Variants in TAFA2 observed in about 807,000 individuals in gnomAD.
TAFA2 encodes chemokine-like protein TAFA-2.
Under a neutral mutation model 18.8 loss-of-function variants are expected in TAFA2, and 7 were observed. That is an observed-to-expected ratio of 0.37 (90% CI 0.21 to 0.70). The LOEUF (loss-of-function observed/expected upper bound fraction) is 0.70. TAFA2 is among the 30% of genes least tolerant of loss of function. The probability of loss-of-function intolerance (pLI) is 0.53; values close to 1 mark genes in which losing one functional copy is unlikely to be tolerated. For missense variants in TAFA2, 122 were observed against 158.1 expected, an observed-to-expected ratio of 0.77 and a Z score of 1.23; for synonymous variants, 60 against 54.2, an observed-to-expected ratio of 1.11 and a Z score of -0.47.
chr12:61,731,625 CT>C, intron 4 of TAFA2, among the ~76,000 whole-genome samples: 1 of 152,088 alleles, frequency 6.6e-6, no homozygotes, highest in African/African-American at 2.4e-5. Flanking sequence ...ACTTAATAAA[CT>C]TCCATGTTCT....
intron 1 of TAFA2, among the ~76,000 whole-genome samples, chr12:61,913,463 T>C (rs1876695167): frequency 6.6e-6 from 1 of 152,170 alleles, no homozygotes; most frequent in African/African-American, 2.4e-5. Context: ...GGAATTGATA[T>C]TGGAGAAGAA....
chr12:62,104,699 G>T (rs1004374329), intron 1 of TAFA2: 1 of 455,694 alleles, frequency 2.2e-6, no homozygotes, highest in Admixed American at 2.4e-5. Flanking sequence ...CAACTAAGAG[G>T]ACTTGATGGT....
At chr12:62,181,946 G>A (rs1265174299) in intron 1 of TAFA2, among the ~76,000 whole-genome samples, 2 of 151,102 alleles carry the variant, frequency 1.3e-5, no homozygotes, top group Non-Finnish European at 2.9e-5. Context: ...AAAATTGTAA[G>A]CCCAATAAAT....
intron 1 of TAFA2, among the ~76,000 whole-genome samples, chr12:62,096,372 C>G (rs904959650): frequency 8.6e-5 from 13 of 152,040 alleles, no homozygotes; most frequent in African/African-American, 3.1e-4. Context: ...ATACCTGAGT[C>G]AAAAGGAAAC....
At chr12:61,877,963 A>G in intron 1 of TAFA2, 1 of 433,198 alleles carries the variant, frequency 2.3e-6, no homozygotes, top group South Asian at 1.7e-5. Context: ...ATATATACAC[A>G]CACAGTGGAA....
At position 62,077,033 on chromosome 12, in the gene TAFA2, T is replaced by A. The variant is rs369208704; in HGVS notation, c.-2+114226A>T. ...GTGATTAACTTTCTGATATGTTCAA[T>A]ATAAATGAAAATATTGCAAATTCTT... On this transcript the variant is annotated intron_variant, in intron 1 of 4. Coordinates refer to ENST00000416284, the MANE Select transcript of TAFA2 (RefSeq NM_178539.5). Among the ~76,000 whole-genome samples the A allele has an allele frequency of 4.1e-4, 62 of 152,348 alleles. 1 individual carries two copies. The South Asian group carries it at 6.8e-3, about 17-fold the overall frequency.
At chr12:61,900,447 G>C (rs1435287997) in intron 1 of TAFA2, among the ~76,000 whole-genome samples, 1 of 152,164 alleles carries the variant, frequency 6.6e-6, no homozygotes, top group African/African-American at 2.4e-5. Flanking sequence ...GCATACCCAA[G>C]ACTGGGTAAT....
upstream of TAFA2, among the ~76,000 whole-genome samples, chr12:62,195,449 T>A (rs2062645020): frequency 6.6e-6 from 1 of 152,206 alleles, no homozygotes; most frequent in Admixed American, 6.5e-5. Flanking sequence ...GGAATCATTA[T>A]CTATGACAGA....
intron 1 of TAFA2, among the ~76,000 whole-genome samples, chr12:62,081,958 C>T (rs1479170645): frequency 1.3e-5 from 2 of 151,904 alleles, no homozygotes; most frequent in Admixed American, 1.3e-4. Context: ...TCCCCACCCC[C>T]GACAGGCCCC....
At chr12:61,737,773 T>A (rs1472745527) in intron 4 of TAFA2, among the ~76,000 whole-genome samples, 1 of 151,822 alleles carries the variant, frequency 6.6e-6, no homozygotes, top group Non-Finnish European at 1.5e-5. Flanking sequence ...AAATTATCAT[T>A]ATTCTATTCC....
At chr12:61,821,168 T>C (rs1872309791) in intron 2 of TAFA2, among the ~76,000 whole-genome samples, 4 of 134,568 alleles carry the variant, frequency 3.0e-5, no homozygotes, top group South Asian at 2.3e-4. Context: ...CACACACAAT[T>C]ATTTGGAGGG....
intron 1 of TAFA2, among the ~76,000 whole-genome samples, chr12:61,986,648 C>G (rs893233886): frequency 8.9e-6 from 1 of 112,460 alleles, no homozygotes; most frequent in Non-Finnish European, 2.2e-5. Flanking sequence ...GGCCATGAGA[C>G]TTAGTTAAAA....
chr12:61,894,267 C>A (rs1875749847), intron 1 of TAFA2, among the ~76,000 whole-genome samples: 1 of 152,134 alleles, frequency 6.6e-6, no homozygotes. Flanking sequence ...TTCACTGTGC[C>A]ATAACGTACA....
intron 1 of TAFA2, among the ~76,000 whole-genome samples, chr12:62,129,834 C>T (rs796929638): frequency 7.9e-5 from 12 of 151,998 alleles, no homozygotes; most frequent in African/African-American, 2.9e-4. Context: ...ACCAAATGTC[C>T]GCTATACGGC....
At chr12:62,003,185 A>T (rs564504350) in intron 1 of TAFA2, among the ~76,000 whole-genome samples, 1 of 152,240 alleles carries the variant, frequency 6.6e-6, no homozygotes, top group Non-Finnish European at 1.5e-5. Flanking sequence ...AGCCAAAAGG[A>T]TCCTTTTAAA....
At chr12:62,159,895 G>A (rs1187694100) in intron 1 of TAFA2, among the ~76,000 whole-genome samples, 2 of 152,168 alleles carry the variant, frequency 1.3e-5, no homozygotes, top group East Asian at 3.9e-4. Flanking sequence ...AGATAAAATA[G>A]TAGGGGAAGA....
chr12:61,713,688 A>G (rs1036424947), intron 4 of TAFA2, among the ~76,000 whole-genome samples: 5 of 152,280 alleles, frequency 3.3e-5, no homozygotes, highest in African/African-American at 1.2e-4. Flanking sequence ...AGGTCCAAAT[A>G]CTATTTGCAA....
chr12:62,197,325 A>G (rs1008021916), upstream of TAFA2, among the ~76,000 whole-genome samples: 1 of 152,264 alleles, frequency 6.6e-6, no homozygotes, highest in Non-Finnish European at 1.5e-5. Flanking sequence ...GCAGTAAAAA[A>G]TAATTTCTTT....
intron 1 of TAFA2, among the ~76,000 whole-genome samples, chr12:62,223,339 C>G (rs955426059): frequency 6.6e-6 from 1 of 152,122 alleles, no homozygotes; most frequent in Non-Finnish European, 1.5e-5. Flanking sequence ...CCAACCATCC[C>G]TGGCTAATAT....
Sources: gnomAD v4.1 joint callset for allele counts (sites outside exome capture counted in the v4.1 genomes callset) on GRCh38, gnomAD v4.1.1 for gene constraint, MANE v1.5 for transcripts, NCBI Gene and HGNC (gene_info 2026-07-23, HGNC 2026-07-21) for gene names.